COL5A2: variants seen among roughly 807,000 people sequenced by gnomAD.
COL5A2 encodes the protein collagen alpha-2(V) chain.
A neutral mutation model predicts 208.2 loss-of-function variants in COL5A2; 23 were observed. The ratio of observed to expected loss-of-function variants is 0.11; its 90% CI spans 0.08 to 0.16. The LOEUF is 0.16. Ranked by LOEUF, COL5A2 falls within the 10% of genes least tolerant of loss-of-function variation. The pLI is 1.00. For missense variants in COL5A2, 1,590 were observed against 1,956.4 expected, an observed-to-expected ratio of 0.81 and a Z score of 3.53; for synonymous variants, 625 against 628.5, an observed-to-expected ratio of 0.99 and a Z score of 0.08.
At chr2:189,295,259 A>C in the COL5A2 span, among the ~76,000 whole-genome samples, 1 of 152,204 alleles carries the variant, frequency 6.6e-6, no homozygotes, top group African/African-American at 2.4e-5. Flanking sequence ...ATTAAGCTTG[A>C]GAAATGATTC....
chr2:189,087,820 A>T lies in COL5A2; in HGVS notation c.645+875T>A, dbSNP rs996539798. ...TTTAATTTTTTATTTTGAATGGAAC[A>T]TATAGTAAGAAAAGCTCCATTTAAA... On this transcript the variant is annotated intron_variant, in intron 8 of 53. Coordinates refer to ENST00000374866, the MANE Select transcript of COL5A2 (RefSeq NM_000393.5). Among the ~76,000 whole-genome samples, 6 of 150,524 alleles carry T rather than the reference A, an allele frequency of 4.0e-5. No homozygotes were observed. In the Admixed American group the frequency reaches 4.0e-4, roughly 10 times the overall value.
intron 1 of COL5A2, among the ~76,000 whole-genome samples, chr2:189,214,149 A>G (rs1689250448): frequency 6.6e-6 from 1 of 152,184 alleles, no homozygotes; most frequent in Non-Finnish European, 1.5e-5. Flanking sequence ...AACCTTAAAA[A>G]TATAGATAAG....
chr2:189,113,291 C>T (rs4666772), intron 1 of COL5A2, among the ~76,000 whole-genome samples: 145,689 of 152,186 alleles, frequency 0.96, 69,835 homozygotes, highest in Non-Finnish European at 0.98. Context: ...TAGCCAGGCA[C>T]AGTGGCTTGT....
the COL5A2 span, among the ~76,000 whole-genome samples, chr2:189,349,057 A>G: frequency 1.3e-5 from 2 of 152,172 alleles, no homozygotes; most frequent in Admixed American, 1.3e-4. Context: ...TAATCTCCCA[A>G]CATTCTCCAT....
chr2:189,202,899 G>C (rs969493784), intron 1 of COL5A2, among the ~76,000 whole-genome samples: 1 of 152,058 alleles, frequency 6.6e-6, no homozygotes, highest in Non-Finnish European at 1.5e-5. Context: ...TTCTTCAAAA[G>C]AGTTCTGCTT....
At position 189,057,547 on chromosome 2, in the gene COL5A2, T is replaced by C. The variant is rs184899172; in HGVS notation, c.2230-120A>G. ...TTCATGTAGTTCAACTTAGTGCTTA[T>C]ATTTTTCATCTGAGAAAGTTGTCTC... On this transcript the variant is annotated intron_variant, in intron 33 of 53. Transcript: ENST00000374866. The C allele has an allele frequency of 3.2e-3, 2,351 of 740,588 alleles. 13 individuals are homozygous for C. Among genetic ancestry groups the C allele is most frequent in the Non-Finnish European group, 3.6e-3 (1,522 of 421,724 alleles). 45.9% of individuals were successfully genotyped at this position (740,588 alleles called of 1,614,324 possible).
At chr2:189,424,892 T>C in the COL5A2 span, among the ~76,000 whole-genome samples, 1 of 152,186 alleles carries the variant, frequency 6.6e-6, no homozygotes, top group African/African-American at 2.4e-5. Context: ...GGCATCACAG[T>C]ACCTGACTTC....
chr2:189,096,337 A>T (rs1686908766), intron 6 of COL5A2, among the ~76,000 whole-genome samples: 1 of 152,190 alleles, frequency 6.6e-6, no homozygotes, highest in Non-Finnish European at 1.5e-5. Flanking sequence ...ACAAATGAAT[A>T]CAGTTATTTA....
At chr2:189,064,158 A>G in intron 25 of COL5A2, 125 bp from the exon 26 acceptor site, 1 of 780,086 alleles carries the variant, frequency 1.3e-6, no homozygotes, top group Admixed American at 2.4e-5. Flanking sequence ...AATCAAATAA[A>G]TTTTTAAGTG....
chr2:189,352,695 G>A, the COL5A2 span, among the ~76,000 whole-genome samples: 1 of 152,120 alleles, frequency 6.6e-6, no homozygotes, highest in African/African-American at 2.4e-5. Flanking sequence ...TTAGCCCTTT[G>A]TCAGATGGAT....
intron 1 of COL5A2, among the ~76,000 whole-genome samples, chr2:189,154,380 G>A (rs778498865): frequency 5.9e-5 from 9 of 152,150 alleles, no homozygotes; most frequent in Non-Finnish European, 8.8e-5. Flanking sequence ...GCGCTCATTC[G>A]CTAGGAGAAT....
chr2:189,414,787 G>A, the COL5A2 span, among the ~76,000 whole-genome samples: 20 of 146,318 alleles, frequency 1.4e-4, no homozygotes, highest in East Asian at 2.4e-3. Flanking sequence ...GAATGTTTCC[G>A]TTCTAGAGTC....
chr2:189,196,108 A>T (rs1471039999), intron 1 of COL5A2, among the ~76,000 whole-genome samples: 1 of 152,228 alleles, frequency 6.6e-6, no homozygotes, highest in Non-Finnish European at 1.5e-5. Context: ...ACAAATTTAC[A>T]AGAAAAAAAC....
chr2:189,208,791 C>G (rs990117506), intron 1 of COL5A2, among the ~76,000 whole-genome samples: 13 of 152,104 alleles, frequency 8.5e-5, no homozygotes, highest in Admixed American at 3.3e-4. Context: ...ACTTCTGTAC[C>G]CTGTTCTGGT....
the COL5A2 span, among the ~76,000 whole-genome samples, chr2:189,293,796 A>G: frequency 6.6e-6 from 1 of 152,094 alleles, no homozygotes; most frequent in Non-Finnish European, 1.5e-5. Flanking sequence ...ATTAAAAGCA[A>G]CCCAGAGGGC....
chr2:189,381,413 C>G, the COL5A2 span, among the ~76,000 whole-genome samples: 6 of 152,062 alleles, frequency 3.9e-5, no homozygotes, highest in African/African-American at 1.2e-4. Flanking sequence ...TTCCAATCAT[C>G]CATAGCTGTA....
At chr2:189,061,054 T>C (rs550347938) in intron 30 of COL5A2, among the ~76,000 whole-genome samples, 15 of 152,292 alleles carry the variant, frequency 9.8e-5, no homozygotes, top group African/African-American at 3.6e-4. Context: ...AGCTTCTTCA[T>C]ATTTATAGAG....
chr2:189,228,882 C>T (rs1221676990), upstream of COL5A2, among the ~76,000 whole-genome samples: 1 of 151,818 alleles, frequency 6.6e-6, no homozygotes, highest in African/African-American at 2.4e-5. Flanking sequence ...AAGTTAATAT[C>T]CCTGATGATT....
At chr2:189,190,221 A>C (rs969642991) in intron 1 of COL5A2, among the ~76,000 whole-genome samples, 4 of 152,180 alleles carry the variant, frequency 2.6e-5, no homozygotes, top group African/African-American at 7.2e-5. Flanking sequence ...ATATCATCTC[A>C]TGAGATTTGG....
Sources: gnomAD v4.1 joint callset for allele counts (sites outside exome capture counted in the v4.1 genomes callset) on GRCh38, gnomAD v4.1.1 for gene constraint, MANE v1.5 for transcripts, NCBI Gene and HGNC (gene_info 2026-07-23, HGNC 2026-07-21) for gene names.